Variants in RNPS1 observed in about 807,000 individuals in gnomAD.
RNPS1 encodes the protein RNA-binding protein with serine-rich domain 1.
For missense variants in RNPS1, 300 were observed against 427.6 expected (o/e 0.70, Z 2.63); for synonymous variants, 147 against 150.0 (o/e 0.98, Z 0.15).
intron 7 of RNPS1, among the ~76,000 whole-genome samples, chr16:2,254,553 T>TC (rs1288890580): frequency 1.3e-5 from 2 of 152,064 alleles, no homozygotes; most frequent in African/African-American, 4.8e-5. Context: ...CACCTCGGCC[T>TC]CCCAAAGTGC....
intron 1 of RNPS1, 47 bp from the exon 2 acceptor site, chr16:2,264,807 C>T: frequency 7.0e-7 from 1 of 1,420,168 alleles, no homozygotes; most frequent in Non-Finnish European, 9.2e-7. Context: ...ATTGGCAAGG[C>T]AACAAGTCTA....
intron 5 of RNPS1, 126 bp downstream of exon 5, chr16:2,262,614 C>G (rs1303034700): frequency 2.5e-5 from 24 of 978,830 alleles, no homozygotes; most frequent in Non-Finnish European, 3.7e-5. Context: ...AGGAACGAAT[C>G]AATGCTGTAC....
intron 6 of RNPS1, 45 bp downstream of exon 6, chr16:2,262,233 C>G: frequency 1.3e-6 from 2 of 1,579,638 alleles, no homozygotes; most frequent in Non-Finnish European, 1.7e-6. Context: ...CCCCTCGCGG[C>G]GGCGGGTCTC....
rs982787528 is a variant in RNPS1, at chr16:2,253,731, A to G, written c.*233T>C. On this transcript the variant is annotated 3_prime_UTR_variant, in exon 8 of 8. Transcript: ENST00000320225. ...CTGAACTGACTCTTAGAAACCGGAA[A>G]CGGATGAGCTTTCTAGCCAGAAAAC... The G allele has an allele frequency of 7.8e-6, 5 of 639,750 alleles. No homozygotes were observed. The highest frequency in any genetic ancestry group is 1.4e-5 in the Non-Finnish European group (5 of 354,028). 39.6% of individuals were successfully genotyped at this position (639,750 alleles called of 1,614,324 possible). A position where few individuals can be genotyped will look rare whatever the true frequency, so the allele number is the denominator to read the frequency against.
chr16:2,257,384 G>A (rs1024683936), intron 6 of RNPS1: 4 of 152,138 alleles, frequency 2.6e-5, no homozygotes, highest in African/African-American at 4.8e-5. Flanking sequence ...CTCAGCCTAA[G>A]TTAGCCCAAA....
chr16:2,266,086 G>C (rs2093624047), intron 1 of RNPS1: 1 of 983,442 alleles, frequency 1.0e-6, no homozygotes, highest in Non-Finnish European at 1.2e-6. Context: ...CTCAGGAATG[G>C]AGTCTCAGCT....
chr16:2,255,496 C>A, intron 7 of RNPS1, 89 bp downstream of exon 7: 1 of 1,441,382 alleles, frequency 6.9e-7, no homozygotes, highest in Non-Finnish European at 9.4e-7. Flanking sequence ...CAGTGGAAGG[C>A]AGGCAGGGCT....
intron 2 of RNPS1, 91 bp downstream of exon 2, chr16:2,264,482 A>T: frequency 6.5e-7 from 1 of 1,533,758 alleles, no homozygotes; most frequent in Non-Finnish European, 9.0e-7. Flanking sequence ...CTCACTGTAG[A>T]ATGCAGAACA....
chr16:2,262,931 G>T, intron 4 of RNPS1, 89 bp from the exon 5 acceptor site: 1 of 1,332,364 alleles, frequency 7.5e-7, no homozygotes, highest in Non-Finnish European at 1.1e-6. Flanking sequence ...CTGCTTGTGT[G>T]ACAGTTTTCA....
At position 2,262,261 on chromosome 16, in the gene RNPS1, G is replaced by A. The variant is rs181587611; in HGVS notation, c.676+17C>T. Reference sequence around the variant, plus strand: ...CGGGTCTCTGAGAGGTCAGGGTTATGTGGCAGGGTCACCCACCTCCATCCA... The same window carrying A: ...CGGGTCTCTGAGAGGTCAGGGTTATATGGCAGGGTCACCCACCTCCATCCA... On this transcript the variant is annotated intron_variant, in intron 6 of 7. Coordinates refer to ENST00000320225, the MANE Select transcript of RNPS1 (RefSeq NM_080594.4). 3.7e-6 allele frequency: 6 copies of A among 1,611,452 alleles called. No individual in the cohort carries two copies. The Admixed American group carries it at 5.0e-5, about 13-fold the overall frequency.
intron 6 of RNPS1, chr16:2,255,962 A>C (rs1477279657): frequency 7.9e-6 from 4 of 508,392 alleles, no homozygotes; most frequent in Non-Finnish European, 1.4e-5. Context: ...TGTCTCTACT[A>C]AAAAGACAAT....
intron 6 of RNPS1, chr16:2,257,971 G>T (rs970021123): frequency 7.2e-5 from 11 of 152,244 alleles, no homozygotes; most frequent in African/African-American, 2.7e-4. Flanking sequence ...AGCAGGGAGT[G>T]GAGCAGAGAT....
intron 6 of RNPS1, chr16:2,258,355 T>C (rs1567322981): frequency 6.6e-6 from 1 of 152,208 alleles, no homozygotes; most frequent in Non-Finnish European, 1.5e-5. Context: ...CCCCCAAGAA[T>C]AGTGTTCCTT....
intron 5 of RNPS1, 63 bp from the exon 6 acceptor site, chr16:2,262,494 G>C: frequency 1.9e-6 from 3 of 1,568,826 alleles, no homozygotes; most frequent in Non-Finnish European, 2.6e-6. Flanking sequence ...GACGCAGAGA[G>C]CTCAGCACAT....
rs34193204 is a variant in RNPS1 at position 2,259,123 on chromosome 16, C to CAAA, written c.676+3152_676+3154dup. On this transcript the variant is annotated intron_variant, in intron 6 of 7. Coordinates refer to ENST00000320225, the MANE Select transcript of RNPS1 (RefSeq NM_080594.4). ...GGGCAACAAGAGCAGAAAAAAGTCT[C>CAAA]AAAAAAAAAAAAAAAAAGGATTGGG... Among the ~76,000 whole-genome samples, 168 of 113,684 alleles carry CAAA rather than the reference C, an allele frequency of 1.5e-3. 2 individuals are homozygous for CAAA. The highest frequency in any genetic ancestry group is 5.3e-3 in the African/African-American group (149 of 27,872). 74.6% of individuals were successfully genotyped at this position (113,684 alleles called of 152,430 possible). A position where few individuals can be genotyped will look rare whatever the true frequency, so the allele number is the denominator to read the frequency against.
At chr16:2,261,937 G>A (rs1206256500) in intron 6 of RNPS1, among the ~76,000 whole-genome samples, 2 of 152,190 alleles carry the variant, frequency 1.3e-5, no homozygotes, top group Non-Finnish European at 2.9e-5. Context: ...TTACATAAAT[G>A]TACACATATG....
At chr16:2,263,850 C>G (rs1681859593) in intron 3 of RNPS1, 1 of 306,048 alleles carries the variant, frequency 3.3e-6, no homozygotes, top group Non-Finnish European at 6.2e-6. Flanking sequence ...GTAGCTGGGA[C>G]TACAGATGCA....
At chr16:2,260,605 G>C (rs2093599135) in intron 6 of RNPS1, among the ~76,000 whole-genome samples, 1 of 152,060 alleles carries the variant, frequency 6.6e-6, no homozygotes, top group South Asian at 2.1e-4. Context: ...AAGTTATCTT[G>C]GAACCTCAAG....
chr16:2,263,267 G>A lies in RNPS1; in HGVS notation c.248C>T (p.Ser83Phe). 1.2e-6 allele frequency: 2 copies of A among 1,613,902 alleles called. No individual in the cohort carries two copies. The highest frequency in any genetic ancestry group is 1.7e-6 in the Non-Finnish European group (2 of 1,179,910). ...SSTRSRSSST[S>F]SSGSSTSTGS... ...AGTGCTGGTGCTGGAGCCTGAGCTGGAAGTCGAGCTGGACCGAGACCTGAG... is the reference window on the plus strand; with the variant it reads ...AGTGCTGGTGCTGGAGCCTGAGCTGAAAGTCGAGCTGGACCGAGACCTGAG... Residue 83 changes from serine (S) to phenylalanine (F), a missense_variant, in exon 4 of 8, where the codon TCC becomes TTC. Ser to Phe is a radical substitution (Grantham distance 155, BLOSUM62 -2). Coordinates refer to ENST00000320225, the MANE Select transcript of RNPS1 (RefSeq NM_080594.4).
Sources: allele counts gnomAD v4.1 joint callset (sites outside exome capture counted in the v4.1 genomes callset), GRCh38; gene constraint gnomAD v4.1.1; transcripts MANE v1.5; gene names NCBI Gene and HGNC (gene_info 2026-07-23, HGNC 2026-07-21).